Variants in EXOC6B observed in about 807,000 individuals in gnomAD.
EXOC6B encodes SEC15 homolog B.
EXOC6B carries 54 observed loss-of-function variants against 113.5 expected under a neutral mutation model. That is an observed-to-expected ratio of 0.48 (90% confidence interval 0.38 to 0.60). The LOEUF (loss-of-function observed/expected upper bound fraction) is 0.60. Among genes scored for constraint, EXOC6B ranks in the 20% least tolerant of loss-of-function variants. The pLI, the probability that EXOC6B is intolerant of heterozygous loss-of-function variation, is 0.00. For missense variants in EXOC6B, 797 were observed against 977.5 expected (o/e 0.82, Z 2.46); for synonymous variants, 357 against 339.0 (o/e 1.05, Z -0.58).
chr2:72,632,629 G>A (rs1234854718), intron 6 of EXOC6B, among the ~76,000 whole-genome samples: 2 of 151,972 alleles, frequency 1.3e-5, no homozygotes, highest in Non-Finnish European at 2.9e-5. Context: ...TGTTTGCATG[G>A]GATAGATAGC....
At chr2:72,196,383 C>G (rs529194130) in intron 20 of EXOC6B, among the ~76,000 whole-genome samples, 1 of 152,184 alleles carries the variant, frequency 6.6e-6, no homozygotes, top group African/African-American at 2.4e-5. Context: ...AAGCTAGGCT[C>G]TCTGTGGCCT....
At chr2:72,295,458 T>C (rs1686072784) in intron 20 of EXOC6B, among the ~76,000 whole-genome samples, 1 of 152,174 alleles carries the variant, frequency 6.6e-6, no homozygotes, top group Non-Finnish European at 1.5e-5. Flanking sequence ...GTGGTAAACT[T>C]TTCCTGTAAA....
At chr2:72,579,103 T>C (rs1705046954) in intron 6 of EXOC6B, among the ~76,000 whole-genome samples, 1 of 152,048 alleles carries the variant, frequency 6.6e-6, no homozygotes, top group Non-Finnish European at 1.5e-5. Context: ...AGAACTTGAA[T>C]AAAGGTAGCA....
intron 1 of EXOC6B, among the ~76,000 whole-genome samples, chr2:72,802,525 GAAAACATTTGAAATGTTTACC>G (rs1326342287): frequency 2.6e-5 from 4 of 151,902 alleles, no homozygotes; most frequent in Non-Finnish European, 5.9e-5. Context: ...TAAATGCATA[GAAAACATTTGAAATGTTTACC>G]AAAACATTTA....
At chr2:72,729,373 G>C (rs997042406) in intron 5 of EXOC6B, among the ~76,000 whole-genome samples, 1 of 146,164 alleles carries the variant, frequency 6.8e-6, no homozygotes, top group Admixed American at 6.8e-5. Context: ...CTAGAAAATT[G>C]TTAATATCTG....
In EXOC6B at chr2:72,811,098, C is replaced by T. The variant is rs375125970; in HGVS notation, c.113+14700G>A. 2.0e-4 allele frequency among the ~76,000 whole-genome samples: 30 copies of T among 151,862 alleles called. 2 individuals are homozygous for T. The highest frequency in any genetic ancestry group is 5.5e-4 in the African/African-American group (23 of 41,450). ...CTGTAATCCCAGCACTTTGGGAGTC[C>T]GAAGTGGGAGGATCACTTGATGCCA... On this transcript the variant is annotated intron_variant, in intron 1 of 21. Transcript: ENST00000272427.
rs533848687 is a variant in EXOC6B, at chr2:72,821,219, A to G, written c.113+4579T>C. Among the ~76,000 whole-genome samples the G allele has an allele frequency of 8.5e-5, 13 of 152,288 alleles. No homozygotes were observed. The South Asian group carries it at 2.7e-3, about 32-fold the overall frequency. ...ATCCAAAAGGGATAAACAATGACCA[A>G]TAAGCACATGAAAAGAACAGCTATT... is the stretch of plus-strand genomic sequence containing the variant. On this transcript the variant is annotated intron_variant, in intron 1 of 21. Transcript: ENST00000272427.
intron 8 of EXOC6B, among the ~76,000 whole-genome samples, chr2:72,516,158 G>C (rs557410337): frequency 6.6e-6 from 1 of 152,152 alleles, no homozygotes; most frequent in African/African-American, 2.4e-5. Context: ...AGTTTATGGG[G>C]CCTTGTTACA....
intron 6 of EXOC6B, among the ~76,000 whole-genome samples, chr2:72,690,977 C>T (rs895027342): frequency 7.9e-5 from 12 of 152,086 alleles, no homozygotes; most frequent in Non-Finnish European, 1.5e-4. Flanking sequence ...TAAAAGAAGA[C>T]GCTGGGCATG....
intron 20 of EXOC6B, among the ~76,000 whole-genome samples, chr2:72,217,150 T>C (rs1680592511): frequency 6.6e-6 from 1 of 152,154 alleles, no homozygotes; most frequent in Non-Finnish European, 1.5e-5. Context: ...ACACTGTGTG[T>C]TTCCCATAGA....
intron 6 of EXOC6B, among the ~76,000 whole-genome samples, chr2:72,672,201 C>CA (rs61678584): frequency 4.6e-4 from 49 of 105,804 alleles, no homozygotes; most frequent in African/African-American, 1.6e-3. Flanking sequence ...GGTATATATC[C>CA]AAAAAAAAAA....
chr2:72,530,981 T>C (rs1340248089), intron 8 of EXOC6B, among the ~76,000 whole-genome samples: 3 of 151,908 alleles, frequency 2.0e-5, no homozygotes, highest in African/African-American at 7.3e-5. Context: ...CTTAAAGTGA[T>C]TTTTCTATAG....
intron 11 of EXOC6B, among the ~76,000 whole-genome samples, chr2:72,506,560 C>T (rs1394781512): frequency 6.6e-6 from 1 of 152,098 alleles, no homozygotes; most frequent in African/African-American, 2.4e-5. Flanking sequence ...CCTTACTATC[C>T]TTATTAAGTA....
intron 20 of EXOC6B, among the ~76,000 whole-genome samples, chr2:72,206,425 A>C (rs1278782015): frequency 1.3e-5 from 2 of 152,170 alleles, no homozygotes; most frequent in Admixed American, 1.3e-4. Context: ...AACCTCCTTG[A>C]ACACTACTAT....
intron 19 of EXOC6B, among the ~76,000 whole-genome samples, chr2:72,367,133 C>G (rs952020260): frequency 6.6e-6 from 1 of 151,632 alleles, no homozygotes; most frequent in African/African-American, 2.4e-5. Context: ...ATATGTATAA[C>G]AACAATAGCA....
At chr2:72,457,536 GGATTCTATCTTCTGGGTCTGTTACTTGA>G (rs1183140493) in intron 18 of EXOC6B, among the ~76,000 whole-genome samples, 1 of 151,994 alleles carries the variant, frequency 6.6e-6, no homozygotes, top group African/African-American at 2.4e-5. Flanking sequence ...AACAAATTCA[GGATTCTATCTTCTGGGTCTGTTACTTGA>G]GACAGCATTT....
chr2:72,585,820 T>A (rs1030328625), intron 6 of EXOC6B, among the ~76,000 whole-genome samples: 1 of 151,514 alleles, frequency 6.6e-6, no homozygotes, highest in African/African-American at 2.4e-5. Context: ...CCTACCAACC[T>A]AAAAAAAGCC....
intron 20 of EXOC6B, among the ~76,000 whole-genome samples, chr2:72,209,820 G>T (rs751235479): frequency 6.6e-6 from 1 of 152,110 alleles, no homozygotes; most frequent in Non-Finnish European, 1.5e-5. Context: ...CAAGGCTAGG[G>T]TGCTGAAAAT....
intron 20 of EXOC6B, among the ~76,000 whole-genome samples, chr2:72,195,286 T>G (rs1017155514): frequency 1.3e-5 from 2 of 152,170 alleles, no homozygotes; most frequent in African/African-American, 4.8e-5. Flanking sequence ...CATTTCTCAC[T>G]GATGACAGCA....
Sources: allele counts gnomAD v4.1 joint callset (sites outside exome capture counted in the v4.1 genomes callset), GRCh38; gene constraint gnomAD v4.1.1; transcripts MANE v1.5; gene names NCBI Gene and HGNC (gene_info 2026-07-23, HGNC 2026-07-21).